Variants in MKX observed in about 807,000 individuals in gnomAD.
The protein encoded by MKX is homeobox protein Mohawk.
In MKX, 13 loss-of-function variants were observed where a neutral mutation model predicts 36.0. That is an observed-to-expected ratio of 0.36 (90% CI 0.24 to 0.57). The LOEUF (loss-of-function observed/expected upper bound fraction) is 0.57, where lower values mean the gene tolerates loss of function less well. Among genes scored for constraint, MKX ranks in the 20% least tolerant of loss-of-function variants. The pLI is 0.79. For missense variants in MKX, 458 were observed against 456.4 expected (o/e 1.00, Z -0.03); for synonymous variants, 176 against 178.3 (o/e 0.99, Z 0.10).
chr10:27,738,791 G>A (rs1158990287), intron 3 of MKX, among the ~76,000 whole-genome samples: 2 of 152,046 alleles, frequency 1.3e-5, no homozygotes, highest in African/African-American at 4.8e-5. Flanking sequence ...ACTGGCATCT[G>A]TCCATGTTTG....
Position 27,742,321 on chromosome 10 carries a change from C to T in MKX, c.189-817G>A, listed in dbSNP as rs1048727729. Among the ~76,000 whole-genome samples, 1 of 152,188 alleles carries T rather than the reference C, an allele frequency of 6.6e-6. No homozygotes were observed. The highest frequency in any genetic ancestry group is 1.5e-5 in the Non-Finnish European group (1 of 68,018). On this transcript the variant is annotated intron_variant, in intron 2 of 6. Transcript: ENST00000419761. The surrounding 1 kb of genome is among the most constrained non-coding windows in gnomAD (Gnocchi z 4.2). Reference sequence around the variant, plus strand: ...CGCGCGCGGCCGCCAGCGAGCCCAGCCGCTCCCCGAGGCTTGCGCGCCTGC... The same window carrying T: ...CGCGCGCGGCCGCCAGCGAGCCCAGTCGCTCCCCGAGGCTTGCGCGCCTGC...
At chr10:27,686,007 A>C (rs1014134813) in intron 5 of MKX, among the ~76,000 whole-genome samples, 1 of 152,088 alleles carries the variant, frequency 6.6e-6, no homozygotes, top group African/African-American at 2.4e-5. Flanking sequence ...TGATGACCAA[A>C]CTCTTCTACC....
At chr10:27,708,547 T>C (rs1057149367) in intron 5 of MKX, among the ~76,000 whole-genome samples, 1 of 152,010 alleles carries the variant, frequency 6.6e-6, no homozygotes, top group African/African-American at 2.4e-5. Context: ...CTGACCAACA[T>C]GGTGAAACCC....
At chr10:27,743,992 C>A (rs918775538) in intron 1 of MKX, among the ~76,000 whole-genome samples, 5 of 152,120 alleles carry the variant, frequency 3.3e-5, no homozygotes, top group African/African-American at 1.2e-4. Flanking sequence ...ATCCACAAGA[C>A]CCCCCAGCTC....
In MKX at chr10:27,734,730, A is replaced by T; in HGVS notation, c.564T>A (p.His188Gln). 1 of 1,614,036 alleles carries T rather than the reference A, an allele frequency of 6.2e-7. No homozygotes were observed. ...CCGAATTCTCACTTTTAATCACAGGATGGTGAACTGGGGTATTATAGCCCC... is the reference window on the plus strand; with the variant it reads ...CCGAATTCTCACTTTTAATCACAGGTTGGTGAACTGGGGTATTATAGCCCC... ...NEGGYNTPVH[H>Q]PVIKSENSVI... Residue 188 changes from histidine (H) to glutamine (Q), a missense_variant, in exon 5 of 7, where the codon CAT (histidine) becomes CAA (glutamine). Physicochemically the swap from His to Gln is conservative, Grantham distance 24. Coordinates refer to ENST00000419761, the MANE Select transcript of MKX (RefSeq NM_173576.3).
In MKX at chr10:27,724,792, C is replaced by CA. The variant is rs1554773421; in HGVS notation, c.838+9663_838+9664insT. 7.6e-4 allele frequency among the ~76,000 whole-genome samples: 105 copies of CA among 138,014 alleles called. 1 individual carries two copies. Among genetic ancestry groups the CA allele is most frequent in the African/African-American group, 3.0e-3 (93 of 31,296 alleles). 90.5% of individuals were successfully genotyped at this position (138,014 alleles called of 152,430 possible). On this transcript the variant is annotated intron_variant, in intron 5 of 6. Coordinates refer to ENST00000419761, the MANE Select transcript of MKX (RefSeq NM_173576.3). The stretch of plus-strand genomic sequence containing the variant: ...ACACACACACACACACACACACACA[C>CA]CCCGCAGAAACCTTTGGCCACCAGT...
intron 5 of MKX, among the ~76,000 whole-genome samples, chr10:27,723,987 G>T (rs1344803752): frequency 6.6e-6 from 1 of 152,048 alleles, no homozygotes; most frequent in Non-Finnish European, 1.5e-5. Context: ...TTTATGAATG[G>T]TTGTCTCTGA....
intron 5 of MKX, among the ~76,000 whole-genome samples, chr10:27,724,666 T>C (rs530506530): frequency 6.6e-6 from 1 of 152,056 alleles, no homozygotes; most frequent in Non-Finnish European, 1.5e-5. Context: ...CAGTGTTATG[T>C]ACAAGGCAGA....
Position 27,675,305 on chromosome 10 carries a change from G to A in MKX, c.983C>T (p.Thr328Ile). 1 of 1,614,144 alleles carries A rather than the reference G, an allele frequency of 6.2e-7. No individual in the cohort carries two copies. Among genetic ancestry groups the A allele is most frequent in the Non-Finnish European group, 8.5e-7 (1 of 1,180,018 alleles). Residue 328 changes from threonine (T) to isoleucine (I), a missense_variant, in exon 7 of 7, where the codon ACC becomes ATC. This residue lies in a region of MKX where 297 missense variants were observed against 304.4 expected (regional missense o/e 0.98). Coordinates refer to ENST00000419761, the MANE Select transcript of MKX (RefSeq NM_173576.3). ...GGACGACTTCTGGATGATGCAGCTG[G>A]TAGTTCCCTGCAGTTTGTCCTTTCC... is the stretch of plus-strand genomic sequence containing the variant. ...AQGKDKLQGT[T>I]SCIIQKSSHI...
At chr10:27,736,990 G>A (rs550193930) in intron 3 of MKX, among the ~76,000 whole-genome samples, 20 of 152,274 alleles carry the variant, frequency 1.3e-4, no homozygotes, top group Middle Eastern at 3.4e-3. Context: ...TCTACAGACA[G>A]ACAACAAAAT....
At chr10:27,734,321 G>C (rs144771675) in intron 5 of MKX, 135 bp downstream of exon 5, 15 of 769,150 alleles carry the variant, frequency 2.0e-5, no homozygotes, top group Non-Finnish European at 2.6e-5. Context: ...CAAAACGAAA[G>C]CTTTAAAACT....
chr10:27,701,750 A>T (rs1208633226), intron 5 of MKX, among the ~76,000 whole-genome samples: 1 of 145,590 alleles, frequency 6.9e-6, no homozygotes, highest in East Asian at 2.0e-4. Context: ...ATAGAGAATT[A>T]TATATTATAT....
intron 5 of MKX, chr10:27,718,515 C>G (rs574971972): frequency 1.5e-4 from 59 of 383,552 alleles, no homozygotes; most frequent in African/African-American, 1.2e-3. Context: ...GAAATATTGG[C>G]AAGAAGGAGT....
chr10:27,687,164 G>T (rs929642039), intron 5 of MKX, among the ~76,000 whole-genome samples: 3 of 151,952 alleles, frequency 2.0e-5, no homozygotes, highest in African/African-American at 4.8e-5. Context: ...GCACCACTAC[G>T]CCCGGCTAAT....
chr10:27,719,870 C>T (rs1260983651), intron 5 of MKX, among the ~76,000 whole-genome samples: 2 of 151,474 alleles, frequency 1.3e-5, no homozygotes, highest in Non-Finnish European at 2.9e-5. Flanking sequence ...TGCCTGTAAT[C>T]CCAGCTACTC....
chr10:27,730,248 G>T (rs770449719), intron 5 of MKX, among the ~76,000 whole-genome samples: 1 of 152,210 alleles, frequency 6.6e-6, no homozygotes, highest in South Asian at 2.1e-4. Context: ...TATGACCCTG[G>T]CATGAAGCCA....
intron 5 of MKX, among the ~76,000 whole-genome samples, chr10:27,701,284 A>C (rs1051861481): frequency 6.9e-6 from 1 of 145,278 alleles, no homozygotes; most frequent in African/African-American, 2.5e-5. Context: ...AAAGAACTGA[A>C]GCGGTGCACA....
intron 5 of MKX, among the ~76,000 whole-genome samples, chr10:27,681,924 GA>G (rs923140117): frequency 6.0e-4 from 61 of 101,048 alleles, no homozygotes; most frequent in South Asian, 3.9e-3. Context: ...TACGTCTCAA[GA>G]AAAAAAAAAA....
At chr10:27,679,902 C>G (rs1836222877) in intron 5 of MKX, among the ~76,000 whole-genome samples, 1 of 152,020 alleles carries the variant, frequency 6.6e-6, no homozygotes, top group South Asian at 2.1e-4. Context: ...GTCTTTGCAG[C>G]TCATGGTCAG....
Sources: allele counts gnomAD v4.1 joint callset (sites outside exome capture counted in the v4.1 genomes callset), GRCh38; gene constraint gnomAD v4.1.1; regional missense constraint gnomAD v4.1.1; non-coding constraint Gnocchi (gnomAD v3.1); transcripts MANE v1.5; gene names NCBI Gene and HGNC (gene_info 2026-07-23, HGNC 2026-07-21).